TRIM10: variants seen among roughly 807,000 people sequenced by gnomAD.
The protein encoded by TRIM10 is tripartite motif-containing protein 10.
A neutral mutation model predicts 40.0 loss-of-function variants in TRIM10; 42 were observed. The ratio of observed to expected loss-of-function variants is 1.05; its 90% CI spans 0.82 to 1.36. TRIM10 has a LOEUF of 1.36. Ranked by LOEUF, TRIM10 falls within the 40% of genes most tolerant of loss-of-function variation. The probability of loss-of-function intolerance (pLI) is 0.00; values close to 1 mark genes in which losing one functional copy is unlikely to be tolerated. For missense variants in TRIM10, 601 were observed against 608.3 expected, an observed-to-expected ratio of 0.99 and a Z score of 0.13; for synonymous variants, 260 against 239.5, an observed-to-expected ratio of 1.09 and a Z score of -0.79.
At chr6:30,159,310 T>C in intron 1 of TRIM10, 65 bp from the exon 2 acceptor site, 1 of 1,164,902 alleles carries the variant, frequency 8.6e-7, no homozygotes, top group Non-Finnish European at 1.3e-6. Flanking sequence ...TCTGGTCATC[T>C]GACCCTCTGC....
At chr6:30,154,553 A>T (rs1772348303) in intron 6 of TRIM10, 67 bp from the exon 7 acceptor site, 3 of 1,579,270 alleles carry the variant, frequency 1.9e-6, no homozygotes, top group South Asian at 1.1e-5. Flanking sequence ...AGGCATAGAA[A>T]CTCCCCCTGG....
rs563043144 is a variant in TRIM10 at position 30,154,775 on chromosome 6, C to T, written c.929-289G>A. 8.5e-5 allele frequency: 57 copies of T among 674,232 alleles called. No individual in the cohort carries two copies. In the African/African-American group the frequency reaches 9.7e-4, roughly 11 times the overall value. The allele number at this position is 674,232 out of a possible 1,614,324, so 41.8% of individuals were successfully genotyped here. On this transcript the variant is annotated intron_variant, in intron 6 of 6. Coordinates refer to ENST00000449742, the MANE Select transcript of TRIM10 (RefSeq NM_006778.4). ...TAGTTCAGTGTGGTCCTCGGGAAAG[C>T]TCTTCTGCTCACCGCAAGTTGGCTG... is the stretch of plus-strand genomic sequence containing the variant.
Position 30,153,899 on chromosome 6 carries a change from G to A in TRIM10, c.*70C>T. On this transcript the variant is annotated 3_prime_UTR_variant, in exon 7 of 7. Coordinates refer to ENST00000449742, the MANE Select transcript of TRIM10 (RefSeq NM_006778.4). ...AAGTCATCCAGGTGATTCAGCCAGG[G>A]ATCAAGTCCACATGGTACTTGGGTT... 2 of 1,584,916 alleles carry A rather than the reference G, an allele frequency of 1.3e-6. No homozygotes were observed. Among genetic ancestry groups the A allele is most frequent in the South Asian group, 2.3e-5 (2 of 86,362 alleles).
chr6:30,160,618 T>C lies in TRIM10; in HGVS notation c.241A>G (p.Asn81Asp). ...PNWQLANVVE[N>D]IERLQLVSTL... ...GACACCAGCTGGAGGCGCTCAATGT[T>C]CTCCACCACGTTAGCCAGCTGCCAG... The change falls in exon 1 of 7, where the codon AAC becomes GAC. Residue 81 changes from asparagine to aspartate, a missense_variant. Transcript: ENST00000449742. 3 of 1,614,098 alleles carry C rather than the reference T, an allele frequency of 1.9e-6. No homozygotes were observed. The highest frequency in any genetic ancestry group is 1.3e-5 in the African/African-American group (1 of 75,002).
Position 30,159,137 on chromosome 6 carries a change from G to A in TRIM10, c.525+13C>T, listed in dbSNP as rs938706379. ...AGGAAGGGGAGGAACCTGGGGAAGG[G>A]GTGATGACTTACCAGGAGGACTTGC... On this transcript the variant is annotated intron_variant, in intron 2 of 6. Transcript: ENST00000449742. 2.5e-6 allele frequency: 4 copies of A among 1,571,258 alleles called. No individual in the cohort carries two copies. The highest frequency in any genetic ancestry group is 1.7e-5 in the Admixed American group (1 of 59,952).
upstream of TRIM10, among the ~76,000 whole-genome samples, chr6:30,162,812 T>TA (rs1773228973): frequency 6.6e-6 from 1 of 152,138 alleles, no homozygotes; most frequent in Non-Finnish European, 1.5e-5. Flanking sequence ...TGTAGTAATA[T>TA]AAAAATACTA....
intron 2 of TRIM10, 140 bp from the exon 3 acceptor site, chr6:30,158,769 A>T: frequency 1.4e-6 from 1 of 738,244 alleles, no homozygotes; most frequent in Non-Finnish European, 2.3e-6. Context: ...GAGAAGCAAG[A>T]CTCACAGTGT....
In TRIM10 at chr6:30,160,899, T is replaced by C; in HGVS notation, c.-41A>G. On this transcript the variant is annotated 5_prime_UTR_variant, in exon 1 of 7. Coordinates refer to ENST00000449742, the MANE Select transcript of TRIM10 (RefSeq NM_006778.4). ...ATGGCTTCCTCAAGGCCACTCTCTC[T>C]GCTTGGCCACGGGGGAAGGGCTGGG... 1 of 1,541,238 alleles carries C rather than the reference T, an allele frequency of 6.5e-7. No individual in the cohort carries two copies. Among genetic ancestry groups the C allele is most frequent in the Non-Finnish European group, 8.7e-7 (1 of 1,147,630 alleles).
chr6:30,155,940 ATC>A (rs541399520), intron 5 of TRIM10, among the ~76,000 whole-genome samples, 181 bp from the exon 6 acceptor site: 88 of 152,306 alleles, frequency 5.8e-4, no homozygotes, highest in African/African-American at 2.0e-3. Context: ...GTTAAAACAC[ATC>A]TGTTTCAGAT....
chr6:30,154,815 G>T (rs1772374632), intron 6 of TRIM10: 21 of 614,960 alleles, frequency 3.4e-5, no homozygotes, highest in South Asian at 3.2e-4. Context: ...CCAAAGCTGT[G>T]CGTGCCAGCT....
At chr6:30,156,761 T>C in intron 5 of TRIM10, 178 bp downstream of exon 5, 1 of 700,264 alleles carries the variant, frequency 1.4e-6, no homozygotes. Context: ...TTCTCTTTCT[T>C]CATTGTCACA....
At position 30,153,955 on chromosome 6, in the gene TRIM10, G is replaced by C; in HGVS notation, c.*14C>G. On this transcript the variant is annotated 3_prime_UTR_variant, in exon 7 of 7. Coordinates refer to ENST00000449742, the MANE Select transcript of TRIM10 (RefSeq NM_006778.4). Reference sequence around the variant, plus strand: ...GAGTCCTGTACTTAGAGGAGAGTAGGTAACTGCTCCTTCTCAGGAGCTCAG... The same window carrying C: ...GAGTCCTGTACTTAGAGGAGAGTAGCTAACTGCTCCTTCTCAGGAGCTCAG... 1 of 1,586,282 alleles carries C rather than the reference G, an allele frequency of 6.3e-7. No individual in the cohort carries two copies. The highest frequency in any genetic ancestry group is 1.1e-5 in the South Asian group (1 of 87,624).
chr6:30,158,636 G>C lies in TRIM10; in HGVS notation c.526-7C>G, dbSNP rs1030633584. 6.2e-7 allele frequency: 1 copy of C among 1,611,894 alleles called. No individual in the cohort carries two copies. Among genetic ancestry groups the C allele is most frequent in the Non-Finnish European group, 8.5e-7 (1 of 1,179,046 alleles). On this transcript the variant is annotated splice_polypyrimidine_tract_variant and splice_region_variant and intron_variant, in intron 2 of 6. Transcript: ENST00000449742. ...TCTTGGTGGACACCTGAGTCTGAGG[G>C]GGCAGGAGGCAAGCCCAAGAGAAAG... is the stretch of plus-strand genomic sequence containing the variant.
At chr6:30,161,517 C>T (rs1309394707), upstream of TRIM10, among the ~76,000 whole-genome samples, 1 of 150,462 alleles carries the variant, frequency 6.6e-6, no homozygotes. Flanking sequence ...TTTACAATGA[C>T]GGTACAACTT....
chr6:30,155,582 A>T, intron 6 of TRIM10, 145 bp downstream of exon 6: 1 of 635,690 alleles, frequency 1.6e-6, no homozygotes, highest in Middle Eastern at 2.5e-4. Context: ...GTGTATATAT[A>T]ATATATATGA....
At chr6:30,156,090 C>A (rs190356731) in intron 5 of TRIM10, among the ~76,000 whole-genome samples, 1 of 152,304 alleles carries the variant, frequency 6.6e-6, no homozygotes, top group Admixed American at 6.5e-5. Context: ...ACCTCTGTAC[C>A]CGCAGAGCCC....
At chr6:30,163,926 C>T (rs1370719491), upstream of TRIM10, 11 of 1,613,012 alleles carry the variant, frequency 6.8e-6, no homozygotes, top group Non-Finnish European at 8.5e-6. Context: ...CTGGGAGAAA[C>T]TTACTGCGAG....
At chr6:30,159,642 A>G (rs1772893629) in intron 1 of TRIM10, among the ~76,000 whole-genome samples, 1 of 152,226 alleles carries the variant, frequency 6.6e-6, no homozygotes, top group African/African-American at 2.4e-5. Flanking sequence ...TGTGTAAATA[A>G]CAACCCTCCC....
At chr6:30,161,998 G>A (rs1047785034), upstream of TRIM10, among the ~76,000 whole-genome samples, 28 of 152,100 alleles carry the variant, frequency 1.8e-4, no homozygotes, top group African/African-American at 6.3e-4. Context: ...TGTGTTGGCC[G>A]GGCGCGGTGG....
Sources: gnomAD v4.1 joint callset for allele counts (sites outside exome capture counted in the v4.1 genomes callset) on GRCh38, gnomAD v4.1.1 for gene constraint, MANE v1.5 for transcripts, NCBI Gene and HGNC (gene_info 2026-07-23, HGNC 2026-07-21) for gene names.